The following ROBO1 variants were observed in gnomAD, a reference collection of about 807,000 sequenced individuals.
ROBO1 encodes the protein roundabout guidance receptor 1.
In ROBO1, 149 loss-of-function variants were observed where a neutral mutation model predicts 195.9. The ratio of observed to expected loss-of-function variants is 0.76; its 90% confidence interval spans 0.67 to 0.87. The LOEUF (loss-of-function observed/expected upper bound fraction) is 0.87. ROBO1 is among the 40% of genes least tolerant of loss of function. ROBO1 has a pLI of 0.00. For synonymous variants in ROBO1, 816 were observed against 733.2 expected (o/e 1.11, Z -1.82); for missense variants, 1,933 against 2,068.3 (o/e 0.93, Z 1.27).
chr3:79,116,377 T>G (rs1035383748), intron 3 of ROBO1, among the ~76,000 whole-genome samples: 1 of 151,380 alleles, frequency 6.6e-6, no homozygotes, highest in Admixed American at 6.6e-5. Flanking sequence ...GTTCTTTTCT[T>G]TCTTTCTCTC....
intron 2 of ROBO1, among the ~76,000 whole-genome samples, chr3:79,322,549 G>A (rs1263181270): frequency 6.6e-6 from 1 of 152,144 alleles, no homozygotes; most frequent in Non-Finnish European, 1.5e-5. Context: ...TTACCTGCTA[G>A]GAAAGACAAC....
At chr3:78,619,743 C>A (rs890008349) in intron 26 of ROBO1, among the ~76,000 whole-genome samples, 1 of 151,988 alleles carries the variant, frequency 6.6e-6, no homozygotes, top group African/African-American at 2.4e-5. Flanking sequence ...AATGACTGGG[C>A]GTGGTGGCTC....
intron 1 of ROBO1, among the ~76,000 whole-genome samples, chr3:79,679,123 G>A (rs1946869172): frequency 6.6e-6 from 1 of 151,778 alleles, no homozygotes; most frequent in African/African-American, 2.4e-5. Flanking sequence ...TTAACAATTA[G>A]TAACATTTTG....
intron 3 of ROBO1, among the ~76,000 whole-genome samples, chr3:78,990,032 A>G (rs1440399347): frequency 5.3e-5 from 8 of 152,206 alleles, no homozygotes; most frequent in Admixed American, 4.6e-4. Flanking sequence ...GTGGTGTTTA[A>G]TAATAGCAAG....
In ROBO1 at chr3:78,743,285, G is replaced by A. The variant is rs144258502; in HGVS notation, c.657+3458C>T. ...AACGGCTCTTGTCAAGGTCATTTATGACTGCTTACCAAGTTGTTAAATCCA... is the reference window on the plus strand; with the variant it reads ...AACGGCTCTTGTCAAGGTCATTTATAACTGCTTACCAAGTTGTTAAATCCA... On this transcript the variant is annotated intron_variant, in intron 5 of 30. Transcript: ENST00000464233. Among the ~76,000 whole-genome samples the A allele has an allele frequency of 4.6e-4, 70 of 151,668 alleles. No homozygotes were observed. The East Asian group carries it at 0.012, about 25-fold the overall frequency.
intron 3 of ROBO1, among the ~76,000 whole-genome samples, chr3:78,969,472 A>C (rs2107900030): frequency 6.6e-6 from 1 of 152,344 alleles, no homozygotes; most frequent in Non-Finnish European, 1.5e-5. Context: ...ATAGCAGAGT[A>C]AGGTTGACAA....
At chr3:79,381,823 G>T (rs2130376) in intron 2 of ROBO1, among the ~76,000 whole-genome samples, 9,997 of 152,030 alleles carry the variant, frequency 0.066, 403 homozygotes, top group East Asian at 0.14. Context: ...TAATATGCAT[G>T]TTATCAAGAG....
intron 2 of ROBO1, among the ~76,000 whole-genome samples, chr3:79,229,710 G>GT (rs558593453): frequency 1.1e-4 from 16 of 152,182 alleles, no homozygotes; most frequent in African/African-American, 3.4e-4. Flanking sequence ...ATGAGCCATC[G>GT]TGCCTGGCCA....
intron 3 of ROBO1, among the ~76,000 whole-genome samples, chr3:79,048,967 C>G (rs1278757145): frequency 6.6e-6 from 1 of 152,050 alleles, no homozygotes; most frequent in Non-Finnish European, 1.5e-5. Context: ...GCTGAAAATT[C>G]CAAAAACCAG....
intron 8 of ROBO1, among the ~76,000 whole-genome samples, chr3:78,699,579 T>G (rs1490505793): frequency 6.7e-6 from 1 of 149,676 alleles, no homozygotes; most frequent in Non-Finnish European, 1.5e-5. Context: ...CAAGTAATAA[T>G]AATAATAATA....
At chr3:79,109,519 C>T (rs1425072923) in intron 3 of ROBO1, among the ~76,000 whole-genome samples, 2 of 151,980 alleles carry the variant, frequency 1.3e-5, no homozygotes, top group Non-Finnish European at 2.9e-5. Flanking sequence ...TTGCTTTCTA[C>T]TTCTGCTTTC....
chr3:78,667,027 C>A (rs987623862), intron 14 of ROBO1, among the ~76,000 whole-genome samples: 1 of 151,910 alleles, frequency 6.6e-6, no homozygotes, highest in Non-Finnish European at 1.5e-5. Flanking sequence ...TTTACAATGA[C>A]GTGATTTTTT....
chr3:79,497,702 A>G (rs922360696), intron 2 of ROBO1, among the ~76,000 whole-genome samples: 41 of 152,222 alleles, frequency 2.7e-4, no homozygotes, highest in African/African-American at 9.2e-4. Flanking sequence ...TGGAACTTTA[A>G]AGATAGGCAG....
At chr3:78,844,503 A>C (rs1179163863) in intron 4 of ROBO1, among the ~76,000 whole-genome samples, 3 of 152,092 alleles carry the variant, frequency 2.0e-5, no homozygotes, top group Admixed American at 6.6e-5. Flanking sequence ...CCCAGAGATG[A>C]CAAGATGGTT....
chr3:79,566,283 G>A (rs1186733565), intron 2 of ROBO1, among the ~76,000 whole-genome samples: 3 of 151,974 alleles, frequency 2.0e-5, no homozygotes, highest in Non-Finnish European at 2.9e-5. Flanking sequence ...ACTTAGCATC[G>A]TGTGTCTCAC....
intron 4 of ROBO1, among the ~76,000 whole-genome samples, chr3:78,882,487 A>G (rs1432452806): frequency 6.6e-6 from 1 of 152,138 alleles, no homozygotes; most frequent in African/African-American, 2.4e-5. Flanking sequence ...AAAATACAAC[A>G]AGCTGTTTTG....
chr3:79,630,391 C>T (rs763260735), intron 1 of ROBO1, among the ~76,000 whole-genome samples: 8 of 151,876 alleles, frequency 5.3e-5, no homozygotes, highest in Non-Finnish European at 1.2e-4. Context: ...AAACAAAAGC[C>T]ATATGATCAT....
In ROBO1 at chr3:78,870,648, A is replaced by G. The variant is rs546516900; in HGVS notation, c.499+67953T>C. Among the ~76,000 whole-genome samples the G allele has an allele frequency of 6.6e-5, 10 of 152,312 alleles. No individual in the cohort carries two copies. The South Asian group carries it at 1.9e-3, about 28-fold the overall frequency. ...GCACTAGAACAAACTTCCTCTGTAAACAGGAATCATGGCTGAGCCCATCAT... is the reference window on the plus strand; with the variant it reads ...GCACTAGAACAAACTTCCTCTGTAAGCAGGAATCATGGCTGAGCCCATCAT... On this transcript the variant is annotated intron_variant, in intron 4 of 30. Coordinates refer to ENST00000464233, the MANE Select transcript of ROBO1 (RefSeq NM_002941.4).
intron 2 of ROBO1, among the ~76,000 whole-genome samples, chr3:79,259,422 G>A (rs1470975699): frequency 2.0e-5 from 3 of 151,716 alleles, no homozygotes; most frequent in Non-Finnish European, 4.4e-5. Context: ...TTACAGGTGT[G>A]AGCCACCATG....
Sources: allele counts gnomAD v4.1 joint callset (sites outside exome capture counted in the v4.1 genomes callset), GRCh38; gene constraint gnomAD v4.1.1; transcripts MANE v1.5; gene names NCBI Gene and HGNC (gene_info 2026-07-23, HGNC 2026-07-21).